Variants in SYNE1 observed in about 807,000 individuals in gnomAD.
SYNE1 encodes spectrin repeat containing nuclear envelope protein 1.
In SYNE1, 616 loss-of-function variants were observed where a neutral mutation model predicts 1,111.0. The observed-to-expected ratio is 0.55, with a 90% CI of 0.52 to 0.59. The LOEUF (loss-of-function observed/expected upper bound fraction) is 0.59, where lower values mean the gene tolerates loss of function less well. SYNE1 is among the 20% of genes least tolerant of loss of function. SYNE1 has a pLI of 0.00. For synonymous variants in SYNE1, 3,855 were observed against 3,825.8 expected (o/e 1.01, Z -0.28); for missense variants, 10,006 against 10,417.0 (o/e 0.96, Z 1.72).
chr6:152,598,333 T>C (rs956991213), intron 3 of SYNE1, among the ~76,000 whole-genome samples: 4 of 152,152 alleles, frequency 2.6e-5, no homozygotes, highest in Non-Finnish European at 4.4e-5. Context: ...TCTTCCACCT[T>C]CCACCATTAT....
At chr6:152,587,399 TAG>T (rs892143511) in intron 3 of SYNE1, among the ~76,000 whole-genome samples, 8 of 152,190 alleles carry the variant, frequency 5.3e-5, no homozygotes, top group Admixed American at 6.5e-5. Flanking sequence ...ATCCCATTTT[TAG>T]ATATTTAGGT....
At chr6:152,398,583 T>G (rs181031492) in intron 49 of SYNE1, 36 bp downstream of exon 49, 2 of 1,576,740 alleles carry the variant, frequency 1.3e-6, no homozygotes, top group East Asian at 4.5e-5. Context: ...CTGAGTACAT[T>G]TTGGGGAAGA....
intron 58 of SYNE1, among the ~76,000 whole-genome samples, chr6:152,374,835 T>C (rs966880420): frequency 1.1e-4 from 16 of 152,126 alleles, no homozygotes; most frequent in African/African-American, 3.6e-4. Context: ...GTTTCTCCAA[T>C]ATAGAAAAAT....
chr6:152,151,233 A>C (rs1341552095), intron 135 of SYNE1, among the ~76,000 whole-genome samples: 2 of 151,694 alleles, frequency 1.3e-5, no homozygotes, highest in African/African-American at 4.8e-5. Context: ...AAAAAAAAAA[A>C]ACAAAACAAC....
chr6:152,367,327 C>T lies in SYNE1; in HGVS notation c.9863G>A (p.Gly3288Glu). The T allele has an allele frequency of 6.2e-7, 1 of 1,613,996 alleles. No individual in the cohort carries two copies. The highest frequency in any genetic ancestry group is 1.1e-5 in the South Asian group (1 of 91,066). ...IVAEHNQFSL[G>E]IKELQDWMTD... is the part of the protein sequence containing the mutation. ...CATCCAGTCTTGTAATTCTTTAATC[C>T]CAAGAGAGAACTGATTGTGTTCTGC... The change falls in exon 62 of 146, where the codon GGG becomes GAG. Residue 3288 changes from glycine to glutamate, a missense_variant. This residue lies in a region of SYNE1 where 4,955 missense variants were observed against 5,017.2 expected (regional missense o/e 0.99). Transcript: ENST00000367255.
intron 5 of SYNE1, among the ~76,000 whole-genome samples, chr6:152,525,850 T>C (rs1283588619): frequency 6.6e-6 from 1 of 152,214 alleles, no homozygotes; most frequent in Non-Finnish European, 1.5e-5. Flanking sequence ...TGTAAGGTTG[T>C]TATTATAAAC....
intron 131 of SYNE1, among the ~76,000 whole-genome samples, chr6:152,159,257 T>G (rs1301977663): frequency 6.6e-6 from 1 of 152,200 alleles, no homozygotes; most frequent in Non-Finnish European, 1.5e-5. Context: ...GTGCTTCTTC[T>G]TAGTAATTTG....
intron 37 of SYNE1, 30 bp downstream of exon 37, chr6:152,428,175 T>C (rs200107831): frequency 6.2e-7 from 1 of 1,610,598 alleles, no homozygotes; most frequent in Admixed American, 1.7e-5. Flanking sequence ...TATTTAGTAG[T>C]GCAGCAACTC....
At chr6:152,328,790 A>T (rs1257996586) in intron 78 of SYNE1, among the ~76,000 whole-genome samples, 1 of 152,198 alleles carries the variant, frequency 6.6e-6, no homozygotes, top group Non-Finnish European at 1.5e-5. Flanking sequence ...AGTTTTGTAC[A>T]TGCTCCCATT....
chr6:152,472,505 T>C (rs2098812350), intron 14 of SYNE1, 92 bp from the exon 15 acceptor site: 2 of 1,160,724 alleles, frequency 1.7e-6, no homozygotes, highest in Admixed American at 1.9e-5. Flanking sequence ...GATGAGTCAA[T>C]GTATTCAACA....
chr6:152,619,263 T>C (rs545355921), intron 3 of SYNE1, among the ~76,000 whole-genome samples: 65 of 152,324 alleles, frequency 4.3e-4, no homozygotes, highest in African/African-American at 1.4e-3. Flanking sequence ...CTAAACTTCA[T>C]GGGCTCTGGC....
chr6:152,152,018 CT>C lies in SYNE1; in HGVS notation c.24252del (p.Gly8085AlafsTer62). 2 of 1,614,192 alleles carry C rather than the reference CT, an allele frequency of 1.2e-6. No individual in the cohort carries two copies. Among genetic ancestry groups the C allele is most frequent in the Non-Finnish European group, 1.7e-6 (2 of 1,180,046 alleles). On this transcript the variant is annotated frameshift_variant, in exon 134 of 146. Transcript: ENST00000367255. LOFTEE classifies it high-confidence loss of function. ...SACSLKQMVH[E>X]GNQRWDNLQK... Reference sequence around the variant, plus strand: ...TGCAGGTTGTCCCATCTCTGGTTGCCTTCGTGAACCATCTGTTTGAGGCTAC... The same window carrying C: ...TGCAGGTTGTCCCATCTCTGGTTGCCTCGTGAACCATCTGTTTGAGGCTAC...
intron 70 of SYNE1, 118 bp from the exon 71 acceptor site, chr6:152,350,888 T>C: frequency 7.9e-7 from 1 of 1,259,870 alleles, no homozygotes; most frequent in Non-Finnish European, 1.1e-6. Context: ...TTCATATTTA[T>C]GAAGCAATAG....
At chr6:152,554,108 G>A (rs1286307427) in intron 3 of SYNE1, among the ~76,000 whole-genome samples, 1 of 152,022 alleles carries the variant, frequency 6.6e-6, no homozygotes, top group Non-Finnish European at 1.5e-5. Context: ...GGAGAGCTGG[G>A]AATGAGGGCC....
At chr6:152,122,809 T>C in intron 145 of SYNE1, 133 bp from the exon 146 acceptor site, 1 of 1,380,616 alleles carries the variant, frequency 7.2e-7, no homozygotes, top group South Asian at 1.2e-5. Context: ...GCTGCCAGCC[T>C]TCCACAGTGT....
chr6:152,323,978 A>C (rs1201210327), intron 81 of SYNE1, among the ~76,000 whole-genome samples: 1 of 152,180 alleles, frequency 6.6e-6, no homozygotes, highest in Non-Finnish European at 1.5e-5. Flanking sequence ...GACTATACTT[A>C]ATACAGAAAA....
chr6:152,598,315 G>A (rs553532546), intron 3 of SYNE1, among the ~76,000 whole-genome samples: 3 of 152,240 alleles, frequency 2.0e-5, no homozygotes, highest in East Asian at 1.9e-4. Flanking sequence ...GCTGCCATGT[G>A]AGACGTGTCT....
In SYNE1 at chr6:152,633,248, T is replaced by C. The variant is rs1007089512; in HGVS notation, c.-224+3390A>G. ...CATTCATGGGCTGTATACCAATAAA[T>C]AGTCCCTGCACCATCTCCAAATTTT... On this transcript the variant is annotated intron_variant, in intron 2 of 145. Coordinates refer to ENST00000367255, the MANE Select transcript of SYNE1 (RefSeq NM_182961.4). Among the ~76,000 whole-genome samples the C allele has an allele frequency of 2.6e-5, 4 of 152,212 alleles. No individual in the cohort carries two copies. In the East Asian group the frequency reaches 5.8e-4, roughly 22 times the overall value.
chr6:152,250,076 A>C (rs2088666259), intron 104 of SYNE1, among the ~76,000 whole-genome samples: 1 of 151,942 alleles, frequency 6.6e-6, no homozygotes, highest in Non-Finnish European at 1.5e-5. Flanking sequence ...CAGCCGGGGC[A>C]ACACAGTGCA....
Sources: gnomAD v4.1 joint callset for allele counts (sites outside exome capture counted in the v4.1 genomes callset) on GRCh38, gnomAD v4.1.1 for gene constraint, gnomAD v4.1.1 regional missense constraint, MANE v1.5 for transcripts, NCBI Gene and HGNC (gene_info 2026-07-23, HGNC 2026-07-21) for gene names.